The following MCM9 variants were observed in gnomAD, a reference collection of about 807,000 sequenced individuals.
MCM9 encodes minichromosome maintenance 9 homologous recombination repair factor.
MCM9 carries 55 observed loss-of-function variants against 72.8 expected under a neutral mutation model. That is an observed-to-expected ratio of 0.76 (90% CI 0.61 to 0.95). The LOEUF is 0.95. MCM9 is among the 40% of genes least tolerant of loss of function. The pLI, the probability that MCM9 is intolerant of heterozygous loss-of-function variation, is 0.00. For missense variants in MCM9, 1,279 were observed against 1,377.0 expected (o/e 0.93, Z 1.13); for synonymous variants, 480 against 503.4 (o/e 0.95, Z 0.62).
chr6:118,863,407 G>C (rs1431367548), intron 8 of MCM9, among the ~76,000 whole-genome samples: 1 of 152,172 alleles, frequency 6.6e-6, no homozygotes, highest in Non-Finnish European at 1.5e-5. Context: ...TATGCTAAGT[G>C]AGGAGAGAAA....
chr6:118,916,889 G>T lies in MCM9; in HGVS notation c.904+672C>A, dbSNP rs914165229. ...TCAATATCTCTTAGATTTGAGGGGA[G>T]TGTTATTAGAAACGTCTATTACTGG... On this transcript the variant is annotated intron_variant, in intron 6 of 13. Coordinates refer to ENST00000619706, the MANE Select transcript of MCM9 (RefSeq NM_017696.3). Among the ~76,000 whole-genome samples the T allele has an allele frequency of 3.9e-5, 6 of 152,284 alleles. No homozygotes were observed. The East Asian group carries it at 7.7e-4, about 20-fold the overall frequency.
intron 3 of MCM9, among the ~76,000 whole-genome samples, chr6:118,926,786 A>T (rs565142210): frequency 6.6e-6 from 1 of 152,254 alleles, no homozygotes; most frequent in South Asian, 2.1e-4. Flanking sequence ...TATCTTGGGC[A>T]TACAGCTAAG....
intron 1 of MCM9, chr6:118,934,378 C>T (rs1004527352): frequency 6.6e-6 from 1 of 152,218 alleles, no homozygotes; most frequent in Non-Finnish European, 1.5e-5. Flanking sequence ...AAAATAAAAT[C>T]ATTTGCTTTA....
chr6:118,853,379 C>T (rs1304197738), intron 9 of MCM9, among the ~76,000 whole-genome samples: 3 of 152,038 alleles, frequency 2.0e-5, no homozygotes, highest in African/African-American at 4.8e-5. Context: ...GTCACTTTGG[C>T]TATTCTGTGC....
chr6:118,851,671 C>A (rs765953122), intron 9 of MCM9, among the ~76,000 whole-genome samples: 1 of 151,606 alleles, frequency 6.6e-6, no homozygotes, highest in Non-Finnish European at 1.5e-5. Flanking sequence ...AAAATTCTTA[C>A]GTAAATGTAA....
chr6:118,929,913 G>C (rs532592133), intron 3 of MCM9, among the ~76,000 whole-genome samples: 1 of 151,986 alleles, frequency 6.6e-6, no homozygotes, highest in Non-Finnish European at 1.5e-5. Context: ...ATTTATCCTA[G>C]CAAGTGTAAC....
chr6:118,872,678 C>G (rs1481665659), intron 8 of MCM9, among the ~76,000 whole-genome samples: 1 of 151,816 alleles, frequency 6.6e-6, no homozygotes, highest in African/African-American at 2.4e-5. Flanking sequence ...AAAAAACACA[C>G]ACACAACTTA....
chr6:118,846,587 G>A (rs1049670104), intron 9 of MCM9, among the ~76,000 whole-genome samples: 44 of 151,802 alleles, frequency 2.9e-4, no homozygotes, highest in Admixed American at 2.5e-3. Flanking sequence ...GAAGGATCCC[G>A]GAGTAGATAG....
intron 3 of MCM9, 22 bp from the exon 4 acceptor site, chr6:118,924,149 C>T: frequency 6.3e-7 from 1 of 1,596,194 alleles, no homozygotes; most frequent in Non-Finnish European, 8.6e-7. Flanking sequence ...AACAAAAAAA[C>T]AGCATCAACT....
At chr6:118,880,213 A>G (rs1778201064) in intron 8 of MCM9, among the ~76,000 whole-genome samples, 2 of 152,152 alleles carry the variant, frequency 1.3e-5, no homozygotes, top group South Asian at 4.1e-4. Flanking sequence ...ATATCCTCTG[A>G]AAACTCTCCT....
At chr6:118,838,597 A>AT (rs1254633105) in intron 9 of MCM9, among the ~76,000 whole-genome samples, 1 of 151,496 alleles carries the variant, frequency 6.6e-6, no homozygotes, top group Non-Finnish European at 1.5e-5. Context: ...GCTTTTTTGT[A>AT]TTTTTATTAG....
chr6:118,911,617 T>G, intron 8 of MCM9, 33 bp downstream of exon 8: 4 of 1,590,810 alleles, frequency 2.5e-6, no homozygotes, highest in Non-Finnish European at 3.4e-6. Context: ...TCTGAAGTAA[T>G]GTTAAATTAC....
At chr6:118,894,423 G>A in intron 8 of MCM9, 4 of 1,537,040 alleles carry the variant, frequency 2.6e-6, no homozygotes, top group Non-Finnish European at 3.5e-6. Context: ...TATGGCAAAG[G>A]TTCAGGTGAA....
chr6:118,856,220 A>G, intron 9 of MCM9, 151 bp downstream of exon 9: 1 of 642,746 alleles, frequency 1.6e-6, no homozygotes, highest in Non-Finnish European at 2.4e-6. Flanking sequence ...GTGGTCTAAT[A>G]AGGAAAAACT....
chr6:118,923,473 C>T (rs566725730), intron 4 of MCM9, among the ~76,000 whole-genome samples: 110 of 152,166 alleles, frequency 7.2e-4, no homozygotes, highest in Non-Finnish European at 9.7e-4. Context: ...ACCATTTAAG[C>T]ATTAATTAAT....
intron 8 of MCM9, chr6:118,894,438 G>A: frequency 2.0e-6 from 3 of 1,537,156 alleles, no homozygotes; most frequent in Non-Finnish European, 2.6e-6. Context: ...GGTGAACAAT[G>A]TAGTGGTGCT....
At chr6:118,836,205 A>G (rs1404596544) in intron 9 of MCM9, among the ~76,000 whole-genome samples, 4 of 152,154 alleles carry the variant, frequency 2.6e-5, no homozygotes, top group African/African-American at 9.7e-5. Context: ...AGCCAACTTG[A>G]TCGTGGTGGA....
At chr6:118,870,595 C>T (rs560064708) in intron 8 of MCM9, among the ~76,000 whole-genome samples, 4 of 151,674 alleles carry the variant, frequency 2.6e-5, no homozygotes. Flanking sequence ...AGAATAATAA[C>T]CCGAGCTCAA....
At chr6:118,923,420 G>A (rs906698160) in intron 4 of MCM9, among the ~76,000 whole-genome samples, 1 of 151,872 alleles carries the variant, frequency 6.6e-6, no homozygotes, top group African/African-American at 2.4e-5. Flanking sequence ...GAGTAGCTGC[G>A]ATTATAAGCA....
Sources: gnomAD v4.1 joint callset for allele counts (sites outside exome capture counted in the v4.1 genomes callset) on GRCh38, gnomAD v4.1.1 for gene constraint, MANE v1.5 for transcripts, NCBI Gene and HGNC (gene_info 2026-07-23, HGNC 2026-07-21) for gene names.